Variants in PTK2B observed in about 807,000 individuals in gnomAD.
PTK2B encodes the protein protein tyrosine kinase 2 beta.
Under a neutral mutation model 142.9 loss-of-function variants are expected in PTK2B, and 71 were observed. The ratio of observed to expected loss-of-function variants is 0.50; its 90% confidence interval spans 0.41 to 0.61. The LOEUF (loss-of-function observed/expected upper bound fraction) is 0.61. PTK2B is among the 20% of genes least tolerant of loss of function. The pLI is 0.00. For missense variants in PTK2B, 1,105 were observed against 1,320.4 expected (o/e 0.84, Z 2.53); for synonymous variants, 519 against 503.4 (o/e 1.03, Z -0.42).
intron 1 of PTK2B, among the ~76,000 whole-genome samples, chr8:27,345,437 A>G (rs1269304658): frequency 6.6e-6 from 1 of 152,322 alleles, no homozygotes; most frequent in South Asian, 2.1e-4. Context: ...CCATGTTGAC[A>G]TCTGGGCCAC....
intron 1 of PTK2B, among the ~76,000 whole-genome samples, chr8:27,352,968 G>A (rs1805185823): frequency 6.6e-6 from 1 of 152,166 alleles, no homozygotes; most frequent in Non-Finnish European, 1.5e-5. Context: ...AACAAGAACT[G>A]TAGCATTTTA....
intron 1 of PTK2B, among the ~76,000 whole-genome samples, chr8:27,388,043 A>T (rs1807478941): frequency 6.6e-6 from 1 of 152,244 alleles, no homozygotes; most frequent in South Asian, 2.1e-4. Context: ...AACAGGAACA[A>T]TTAAAACAAC....
intron 3 of PTK2B, among the ~76,000 whole-genome samples, chr8:27,319,298 G>A (rs73241449): frequency 6.8e-6 from 1 of 148,132 alleles, no homozygotes; most frequent in East Asian, 2.0e-4. Context: ...GATGGGGGAG[G>A]TGGAATATTT....
chr8:27,310,858 G>A, upstream of PTK2B: 3 of 1,610,272 alleles, frequency 1.9e-6, no homozygotes, highest in Admixed American at 1.7e-5. Context: ...GGTGTCGGGG[G>A]TCGGCCTGGC....
intron 1 of PTK2B, among the ~76,000 whole-genome samples, chr8:27,329,214 G>C (rs1359455768): frequency 6.6e-6 from 1 of 152,134 alleles, no homozygotes; most frequent in Non-Finnish European, 1.5e-5. Flanking sequence ...AGGATTACAG[G>C]TGTGAGCCAC....
Position 27,451,513 on chromosome 8 carries a change from A to T in PTK2B, c.2548+4A>T. The T allele has an allele frequency of 1.9e-6, 3 of 1,614,014 alleles. No individual in the cohort carries two copies. The highest frequency in any genetic ancestry group is 2.5e-6 in the Non-Finnish European group (3 of 1,179,988). ...CCAGAGAAGGAGGTCGGCTACCGTG[A>T]GTGTTCCCGCCCTTCTTCGGGGGGT... On this transcript the variant is annotated splice_donor_region_variant and intron_variant, in intron 27 of 30. Transcript: ENST00000346049.
intron 3 of PTK2B, among the ~76,000 whole-genome samples, chr8:27,318,541 G>A (rs183545575): frequency 1.3e-3 from 199 of 152,332 alleles, no homozygotes; most frequent in Middle Eastern, 6.8e-3. Context: ...CAGCCCTGCA[G>A]CAACCTGGGG....
intron 2 of PTK2B, among the ~76,000 whole-genome samples, chr8:27,416,113 A>C (rs1110611): frequency 0.81 from 123,557 of 151,826 alleles, 50,792 homozygotes; most frequent in Middle Eastern, 0.95. Context: ...AGTTCTCTCC[A>C]ATTAAGCTAT....
upstream of PTK2B, chr8:27,323,361 C>A (rs1216109237): frequency 1.3e-5 from 2 of 152,222 alleles, no homozygotes; most frequent in Non-Finnish European, 2.9e-5. Flanking sequence ...TGGAAGAGTC[C>A]AGCAGCTGAA....
At chr8:27,437,013 GGCCCTTTCCT>G in intron 15 of PTK2B, 99 bp from the exon 16 acceptor site, 2 of 949,438 alleles carry the variant, frequency 2.1e-6, no homozygotes, top group Non-Finnish European at 3.4e-6. Flanking sequence ...TAGGAGAAAG[GGCCCTTTCCT>G]GGCAGCAAAA....
upstream of PTK2B, chr8:27,311,408 G>A: frequency 1.2e-6 from 1 of 837,364 alleles, no homozygotes; most frequent in South Asian, 1.9e-5. Flanking sequence ...GGGAGGGAGG[G>A]GGCGCTCGGA....
intron 28 of PTK2B, 113 bp downstream of exon 28, chr8:27,453,273 C>A: frequency 2.8e-6 from 4 of 1,405,908 alleles, no homozygotes; most frequent in African/African-American, 1.4e-5. Flanking sequence ...TCAGTGTCCT[C>A]ATGATACAGA....
At chr8:27,454,010 G>T (rs371758854) in intron 28 of PTK2B, 144 bp from the exon 29 acceptor site, 56 of 1,192,330 alleles carry the variant, frequency 4.7e-5, no homozygotes, top group Non-Finnish European at 6.5e-5. Context: ...AATGCACCCC[G>T]GGACAGGGCA....
At chr8:27,440,204 C>T in intron 20 of PTK2B, 33 bp from the exon 21 acceptor site, 1 of 1,608,242 alleles carries the variant, frequency 6.2e-7, no homozygotes, top group Non-Finnish European at 8.5e-7. Flanking sequence ...CTGGTCTCCC[C>T]CACCCAGGGC....
intron 30 of PTK2B, among the ~76,000 whole-genome samples, chr8:27,457,956 C>T (rs1311697282): frequency 1.8e-5 from 2 of 110,936 alleles, no homozygotes; most frequent in African/African-American, 7.5e-5. Context: ...TCCTGGGCAA[C>T]AGGAACAAAA....
At chr8:27,428,764 G>A (rs986236149) in intron 5 of PTK2B, among the ~76,000 whole-genome samples, 2 of 152,166 alleles carry the variant, frequency 1.3e-5, no homozygotes, top group African/African-American at 2.4e-5. Flanking sequence ...GGGGCACAGA[G>A]TGCAAAATTG....
At chr8:27,433,401 G>A in intron 10 of PTK2B, 34 bp from the exon 11 acceptor site, 3 of 1,575,906 alleles carry the variant, frequency 1.9e-6, no homozygotes, top group Non-Finnish European at 2.6e-6. Context: ...CCAAGGCTCT[G>A]GGGTCTCACC....
At chr8:27,435,671 C>T (rs377596891) in intron 13 of PTK2B, 72 bp from the exon 14 acceptor site, 35 of 1,566,442 alleles carry the variant, frequency 2.2e-5, no homozygotes, top group Non-Finnish European at 2.9e-5. Context: ...AGCAGGGAGC[C>T]CCACACCTGA....
At position 27,439,013 on chromosome 8, in the gene PTK2B, T is replaced by C. The variant is rs1255173690; in HGVS notation, c.1644-18T>C. ...GGGTGGGCAGTGCCTCATCCTGGTC[T>C]TGATGCCCTTCTTCCAGGGACATTG... On this transcript the variant is annotated intron_variant, in intron 18 of 30. Coordinates refer to ENST00000346049, the MANE Select transcript of PTK2B (RefSeq NM_173176.3). 6.2e-7 allele frequency: 1 copy of C among 1,603,930 alleles called. No individual in the cohort carries two copies. Among genetic ancestry groups the C allele is most frequent in the South Asian group, 1.1e-5 (1 of 90,860 alleles).
Sources: allele counts gnomAD v4.1 joint callset (sites outside exome capture counted in the v4.1 genomes callset), GRCh38; gene constraint gnomAD v4.1.1; transcripts MANE v1.5; gene names NCBI Gene and HGNC (gene_info 2026-07-23, HGNC 2026-07-21).